The following PRORP variants were observed in gnomAD, a reference collection of about 807,000 sequenced individuals.
PRORP encodes the protein mitochondrial ribonuclease P catalytic subunit.
A neutral mutation model predicts 59.4 loss-of-function variants in PRORP; 51 were observed. That is an observed-to-expected ratio of 0.86 (90% CI 0.69 to 1.08). The LOEUF is 1.08. PRORP is among the 50% of genes least tolerant of loss of function. The pLI is 0.00. For synonymous variants in PRORP, 231 were observed against 245.6 expected (o/e 0.94, Z 0.55); for missense variants, 646 against 690.3 (o/e 0.94, Z 0.72).
At chr14:35,197,637 C>CT (rs34169374) in intron 5 of PRORP, among the ~76,000 whole-genome samples, 2 of 151,946 alleles carry the variant, frequency 1.3e-5, no homozygotes, top group African/African-American at 2.4e-5. Context: ...TTAGACATGG[C>CT]TTTTTTTCTA....
intron 4 of PRORP, among the ~76,000 whole-genome samples, chr14:35,173,260 A>G (rs2048365240): frequency 6.6e-6 from 1 of 152,194 alleles, no homozygotes; most frequent in South Asian, 2.1e-4. Flanking sequence ...TGTGTATCAG[A>G]CATTGTGAAT....
chr14:35,159,975 C>T (rs1271459102), intron 4 of PRORP, among the ~76,000 whole-genome samples: 1 of 152,186 alleles, frequency 6.6e-6, no homozygotes, highest in Non-Finnish European at 1.5e-5. Context: ...AAAAGGTGTG[C>T]AAACCTGGAT....
chr14:35,123,222 A>C lies in PRORP; in HGVS notation c.-24A>C, dbSNP rs199717882. The C allele has an allele frequency of 1.3e-6, 2 of 1,591,728 alleles. No homozygotes were observed. The highest frequency in any genetic ancestry group is 2.2e-5 in the East Asian group (1 of 44,552). On this transcript the variant is annotated 5_prime_UTR_variant, in exon 2 of 8. Coordinates refer to ENST00000534898, the MANE Select transcript of PRORP (RefSeq NM_014672.4). ...GGGTTTTTTCAACATCTCTCTCACTATCTGGTGCTGATCTCACTGCATAAT... is the reference window on the plus strand; with the variant it reads ...GGGTTTTTTCAACATCTCTCTCACTCTCTGGTGCTGATCTCACTGCATAAT...
rs989567341 is a variant in PRORP, at chr14:35,124,368, A to G, written c.986+137A>G. 33 of 494,676 alleles carry G rather than the reference A, an allele frequency of 6.7e-5. No individual in the cohort carries two copies. In the East Asian group the frequency reaches 1.1e-3, roughly 16 times the overall value. 30.6% of individuals were successfully genotyped at this position (494,676 alleles called of 1,614,324 possible). On this transcript the variant is annotated intron_variant, in intron 2 of 7. Transcript: ENST00000534898. ...CTGTAACCTCAAACTCCTGGCCTCA[A>G]GTGATCCTCTCGCTTCAGTCTCCTC...
intron 5 of PRORP, chr14:35,218,978 C>T (rs1483608157): frequency 2.0e-5 from 3 of 152,194 alleles, no homozygotes; most frequent in Non-Finnish European, 4.4e-5. Context: ...CGAATAAAGA[C>T]AGGCAGCCCT....
chr14:35,224,858 CTT>C, intron 5 of PRORP, among the ~76,000 whole-genome samples: 1 of 152,034 alleles, frequency 6.6e-6, no homozygotes. Context: ...GTGTCTAGCT[CTT>C]GTTTGTGTAT....
At chr14:35,150,253 A>G (rs2047711299) in intron 4 of PRORP, among the ~76,000 whole-genome samples, 1 of 152,212 alleles carries the variant, frequency 6.6e-6, no homozygotes, top group African/African-American at 2.4e-5. Flanking sequence ...CCTAGAGGCC[A>G]TCGTAGAATT....
intron 4 of PRORP, among the ~76,000 whole-genome samples, chr14:35,176,499 A>C (rs1490980621): frequency 6.6e-6 from 1 of 152,142 alleles, no homozygotes; most frequent in Non-Finnish European, 1.5e-5. Flanking sequence ...TTCTCTTAGT[A>C]GCAATTTTGA....
At position 35,212,482 on chromosome 14, in the gene PRORP, A is replaced by G. The variant is rs117241862; in HGVS notation, c.1275+31705A>G. 5.2e-4 allele frequency among the ~76,000 whole-genome samples: 79 copies of G among 152,310 alleles called. 3 individuals carry two copies. The East Asian group carries it at 0.015, about 29-fold the overall frequency. On this transcript the variant is annotated intron_variant, in intron 5 of 7. Coordinates refer to ENST00000534898, the MANE Select transcript of PRORP (RefSeq NM_014672.4). ...CCTTGAGCTATGGGCTTCAGAATGG[A>G]TGTTGTGTTCACAGGCATGAAAACA...
intron 5 of PRORP, among the ~76,000 whole-genome samples, chr14:35,211,200 T>G (rs2049435478): frequency 2.0e-5 from 3 of 151,856 alleles, no homozygotes; most frequent in Admixed American, 2.0e-4. Context: ...TGAACGTTTT[T>G]TAGTGGGTAA....
chr14:35,167,404 G>A (rs913914431), intron 4 of PRORP, among the ~76,000 whole-genome samples: 5 of 152,128 alleles, frequency 3.3e-5, no homozygotes, highest in African/African-American at 4.8e-5. Context: ...GGAGAAATGC[G>A]ATAAGATAGT....
chr14:35,166,718 T>G, intron 4 of PRORP, among the ~76,000 whole-genome samples: 1 of 152,218 alleles, frequency 6.6e-6, no homozygotes, highest in East Asian at 1.9e-4. Context: ...CCCAAAGTGC[T>G]GGGATTACAG....
intron 5 of PRORP, among the ~76,000 whole-genome samples, chr14:35,241,816 C>T (rs2050377047): frequency 6.6e-6 from 1 of 152,196 alleles, no homozygotes; most frequent in African/African-American, 2.4e-5. Context: ...ACATTTCACT[C>T]ATTTGTGCCT....
Position 35,276,939 on chromosome 14 carries a change from C to T in PRORP, c.*3373C>T, listed in dbSNP as rs2051302973. 1 of 152,122 alleles carries T rather than the reference C, an allele frequency of 6.6e-6. No homozygotes were observed. The highest frequency in any genetic ancestry group is 2.4e-5 in the African/African-American group (1 of 41,420). The allele number at this position is 152,122 out of a possible 1,614,324, so 9.4% of individuals were successfully genotyped here. A position where few individuals can be genotyped will look rare whatever the true frequency, so the allele number is the denominator to read the frequency against. ...TCTACCTCATCTGAGGTGGCTTATT[C>T]TTCATAGGAAATTAATTTTTCTTCT... is the stretch of plus-strand genomic sequence containing the variant. On this transcript the variant is annotated 3_prime_UTR_variant, in exon 8 of 8. Coordinates refer to ENST00000534898, the MANE Select transcript of PRORP (RefSeq NM_014672.4).
At chr14:35,188,510 T>G (rs11847892) in intron 5 of PRORP, among the ~76,000 whole-genome samples, 18,924 of 152,002 alleles carry the variant, frequency 0.12, 1,261 homozygotes, top group Middle Eastern at 0.17. Flanking sequence ...TTTAACTATA[T>G]ACCAAATACT....
chr14:35,227,263 G>A (rs1226403788), intron 5 of PRORP, among the ~76,000 whole-genome samples: 1 of 151,634 alleles, frequency 6.6e-6, no homozygotes, highest in East Asian at 2.0e-4. Context: ...CCAACATGGT[G>A]AAACCCCGTC....
chr14:35,233,255 G>A (rs1290423891), intron 5 of PRORP, among the ~76,000 whole-genome samples: 1 of 149,714 alleles, frequency 6.7e-6, no homozygotes, highest in South Asian at 2.1e-4. Context: ...ACTTACCATC[G>A]GCTACGGCAT....
At chr14:35,248,715 G>A (rs995154475) in intron 5 of PRORP, among the ~76,000 whole-genome samples, 4 of 152,246 alleles carry the variant, frequency 2.6e-5, no homozygotes, top group African/African-American at 9.6e-5. Flanking sequence ...GGCATTTTCA[G>A]AGGTACACAG....
chr14:35,222,616 C>T (rs1245891443), intron 5 of PRORP: 2 of 152,266 alleles, frequency 1.3e-5, no homozygotes, highest in African/African-American at 2.4e-5. Flanking sequence ...ATTATGGCTA[C>T]TGCCAAAACC....
Sources: allele counts gnomAD v4.1 joint callset (sites outside exome capture counted in the v4.1 genomes callset), GRCh38; gene constraint gnomAD v4.1.1; transcripts MANE v1.5; gene names NCBI Gene and HGNC (gene_info 2026-07-23, HGNC 2026-07-21).